The following TFIP11 variants were observed in gnomAD, a reference collection of about 807,000 sequenced individuals.
TFIP11 encodes tuftelin-interacting protein 11.
TFIP11 carries 86 observed loss-of-function variants against 96.8 expected under a neutral mutation model. The ratio of observed to expected loss-of-function variants is 0.89; its 90% CI spans 0.75 to 1.06. The LOEUF is 1.06. TFIP11 is among the 50% of genes least tolerant of loss of function. The pLI, the probability that TFIP11 is intolerant of heterozygous loss-of-function variation, is 0.00. For synonymous variants in TFIP11, 405 were observed against 395.2 expected (o/e 1.02, Z -0.29); for missense variants, 881 against 1,076.7 (o/e 0.82, Z 2.54).
intron 8 of TFIP11, 38 bp from the exon 9 acceptor site, chr22:26,499,669 C>CAGCCCTGTTAAACACACAGCTA (rs1569160753): frequency 1.9e-6 from 3 of 1,566,856 alleles, no homozygotes; most frequent in African/African-American, 1.3e-5. Context: ...AACACCGCTG[C>CAGCCCTGTTAAACACACAGCTA]AGCCCTGTTA....
Position 26,506,375 on chromosome 22 carries a change from T to G in TFIP11, c.448A>C (p.Lys150Gln). The G allele has an allele frequency of 6.2e-7, 1 of 1,614,054 alleles. No homozygotes were observed. The highest frequency in any genetic ancestry group is 8.5e-7 in the Non-Finnish European group (1 of 1,179,912). Residue 150 changes from lysine (K) to glutamine (Q), a missense_variant, in exon 6 of 15, where the codon AAA (lysine) becomes CAA (glutamine). By Grantham distance (53) the Lys-to-Gln change is moderately conservative (BLOSUM62 1). Coordinates refer to ENST00000407690, the MANE Select transcript of TFIP11 (RefSeq NM_012143.4). ...MDFGSWERHT[K>Q]GIGQKLLQKM... ...TGAAGAAGCTTCTGTCCAATTCCTT[T>G]TGTGTGTCTTTCCCAGCTGCCGAAG...
chr22:26,497,024 C>G, intron 10 of TFIP11, 135 bp from the exon 11 acceptor site: 1 of 1,073,252 alleles, frequency 9.3e-7, no homozygotes, highest in East Asian at 2.5e-5. Flanking sequence ...AACCATCAGG[C>G]CAGTCACCAT....
chr22:26,499,213 A>C lies in TFIP11; in HGVS notation c.1220T>G (p.Leu407Arg). 1 of 1,613,964 alleles carries C rather than the reference A, an allele frequency of 6.2e-7. No individual in the cohort carries two copies. The highest frequency in any genetic ancestry group is 8.5e-7 in the Non-Finnish European group (1 of 1,179,938). The change falls in exon 9 of 15, where the codon CTG becomes CGG. Residue 407 changes from leucine (L) to arginine (R), a missense_variant. Coordinates refer to ENST00000407690, the MANE Select transcript of TFIP11 (RefSeq NM_012143.4). The stretch of plus-strand genomic sequence containing the variant: ...GTACTCCTCATAGTACTTGTCCTGC[A>C]GGGTTTCGAAGATGCGGGCACACTC... ...LDECARIFET[L>R]QDKYYEEYRM...
intron 4 of TFIP11, among the ~76,000 whole-genome samples, chr22:26,508,893 C>T (rs1923733107): frequency 6.6e-6 from 1 of 151,960 alleles, no homozygotes; most frequent in Non-Finnish European, 1.5e-5. Flanking sequence ...TAGGATAGAG[C>T]CTAGAGGCCA....
chr22:26,503,447 C>A (rs890165392), intron 7 of TFIP11, among the ~76,000 whole-genome samples: 3 of 152,232 alleles, frequency 2.0e-5, no homozygotes, highest in Non-Finnish European at 4.4e-5. Context: ...GCTCCTGGCA[C>A]CTTCTGCCAT....
chr22:26,501,417 C>A (rs1163832417), intron 8 of TFIP11, among the ~76,000 whole-genome samples: 1 of 151,892 alleles, frequency 6.6e-6, no homozygotes, highest in Non-Finnish European at 1.5e-5. Flanking sequence ...GAAACAAAGA[C>A]AAAGTTTTAT....
chr22:26,503,580 G>A, intron 7 of TFIP11, 86 bp downstream of exon 7: 1 of 1,535,140 alleles, frequency 6.5e-7, no homozygotes. Context: ...ATAAACATCT[G>A]AGGACTAACA....
At chr22:26,493,968 C>T (rs1984845687) in intron 14 of TFIP11, 171 bp downstream of exon 14, 1 of 673,670 alleles carries the variant, frequency 1.5e-6, no homozygotes, top group Non-Finnish European at 2.5e-6. Context: ...CAGTGGGTGC[C>T]AGCTGACCAT....
At position 26,491,677 on chromosome 22, in the gene TFIP11, G is replaced by A. The variant is rs757744125; in HGVS notation, c.*336C>T. 1.0e-5 allele frequency: 16 copies of A among 1,606,956 alleles called. No homozygotes were observed. In the Admixed American group the frequency reaches 1.0e-4, roughly 10 times the overall value. The stretch of plus-strand genomic sequence containing the variant: ...GATCCTTCTGCTACTGACTGAACTC[G>A]TTGTGAGGTACTCAGTGTTGGCTGA... On this transcript the variant is annotated 3_prime_UTR_variant, in exon 15 of 15. Transcript: ENST00000407690.
chr22:26,498,633 G>A, intron 10 of TFIP11: 2 of 406,900 alleles, frequency 4.9e-6, no homozygotes, highest in Non-Finnish European at 8.9e-6. Context: ...CACCACTAAA[G>A]AACTTACTCA....
At chr22:26,496,629 G>T in intron 11 of TFIP11, 92 bp downstream of exon 11, 1 of 1,452,924 alleles carries the variant, frequency 6.9e-7, no homozygotes, top group Non-Finnish European at 9.4e-7. Flanking sequence ...GTTAATTCCA[G>T]GCGTTTTAAC....
In TFIP11 at chr22:26,494,779, A is replaced by T; in HGVS notation, c.1992+18T>A. ...ACCCAGTTCCCTCCCCCAGAAATCC[A>T]AGCAAAACAAAGTGTACCTGAAGCC... On this transcript the variant is annotated intron_variant, in intron 13 of 14. Coordinates refer to ENST00000407690, the MANE Select transcript of TFIP11 (RefSeq NM_012143.4). 6.2e-7 allele frequency: 1 copy of T among 1,614,116 alleles called. No individual in the cohort carries two copies. The highest frequency in any genetic ancestry group is 8.5e-7 in the Non-Finnish European group (1 of 1,179,978).
At chr22:26,503,548 C>T (rs1923041472) in intron 7 of TFIP11, 118 bp downstream of exon 7, 11 of 1,319,870 alleles carry the variant, frequency 8.3e-6, no homozygotes, top group Admixed American at 6.6e-5. Context: ...CAGCCCAGTA[C>T]CTGGCATACG....
At chr22:26,508,308 G>C (rs1014290198) in intron 4 of TFIP11, among the ~76,000 whole-genome samples, 1 of 152,186 alleles carries the variant, frequency 6.6e-6, no homozygotes, top group Admixed American at 6.5e-5. Flanking sequence ...CTGCCTAGTT[G>C]TATGACCATT....
chr22:26,497,057 C>A (rs1922159254), intron 10 of TFIP11, among the ~76,000 whole-genome samples, 168 bp from the exon 11 acceptor site: 1 of 152,178 alleles, frequency 6.6e-6, no homozygotes, highest in South Asian at 2.1e-4. Flanking sequence ...GAGCCTGCCT[C>A]TTCCTTGTTC....
In TFIP11 at chr22:26,510,065, G is replaced by C. The variant is rs189780437; in HGVS notation, c.208C>G (p.Arg70Gly). The C allele has an allele frequency of 6.2e-7, 1 of 1,612,996 alleles. No homozygotes were observed. ...AGCAGCCCCCATGCCAGGCAATACC[G>C]TTTGCCTCCAAAGCTGGGCCTCTCA... ...DDERPSFGGK[R>G]ARDYSAPVNF... The change falls in exon 4 of 15, where the codon CGG becomes GGG. Residue 70 changes from arginine to glycine, a missense_variant and splice_region_variant. By Grantham distance (125) the Arg-to-Gly change is moderately radical. Transcript: ENST00000407690.
chr22:26,506,886 C>G lies in TFIP11; in HGVS notation c.252G>C (p.Gly84=). ...CCTCCTCCGCTGCCCCTTTCTTGAG[C>G]CCTGCGCTGATGAAGTTGACTGGCG... ...YSAPVNFISA[G]LKKGAAEEAE... is the part of the protein sequence containing the mutation. The change falls in exon 5 of 15, where the codon GGG becomes GGC. Residue 84 remains glycine (G), a synonymous_variant. Transcript: ENST00000407690. 8 of 1,614,202 alleles carry G rather than the reference C, an allele frequency of 5.0e-6. No homozygotes were observed. The highest frequency in any genetic ancestry group is 5.9e-6 in the Non-Finnish European group (7 of 1,180,038).
chr22:26,499,055 G>C, intron 9 of TFIP11, 49 bp downstream of exon 9: 1 of 1,606,476 alleles, frequency 6.2e-7, no homozygotes, highest in Non-Finnish European at 8.5e-7. Flanking sequence ...TCAAGCAAGG[G>C]TAAGCCCAAC....
chr22:26,497,162 G>A (rs1922171796), intron 10 of TFIP11, among the ~76,000 whole-genome samples: 1 of 152,130 alleles, frequency 6.6e-6, no homozygotes, highest in Non-Finnish European at 1.5e-5. Context: ...CTCTTCCCAG[G>A]TATCAAGTGC....
Sources: gnomAD v4.1 joint callset for allele counts (sites outside exome capture counted in the v4.1 genomes callset) on GRCh38, gnomAD v4.1.1 for gene constraint, MANE v1.5 for transcripts, NCBI Gene and HGNC (gene_info 2026-07-23, HGNC 2026-07-21) for gene names.